ZNF107: variants seen among roughly 807,000 people sequenced by gnomAD.
ZNF107 encodes the protein zinc finger protein 107.
ZNF107 carries 19 observed loss-of-function variants against 12.3 expected under a neutral mutation model. The ratio of observed to expected loss-of-function variants is 1.55; its 90% CI spans 1.08 to 2.27. ZNF107 has a LOEUF of 2.27. ZNF107 is among the 30% of genes most tolerant of loss of function. ZNF107 has a pLI of 0.00. For missense variants in ZNF107, 958 were observed against 979.9 expected (o/e 0.98, Z 0.30); for synonymous variants, 317 against 330.5 (o/e 0.96, Z 0.44).
chr7:64,696,753 C>T (rs1335686832), intron 3 of ZNF107, among the ~76,000 whole-genome samples: 3 of 152,016 alleles, frequency 2.0e-5, no homozygotes, highest in Non-Finnish European at 4.4e-5. Flanking sequence ...TTTTTACTAG[C>T]TTATTTTAGT....
intron 3 of ZNF107, among the ~76,000 whole-genome samples, chr7:64,698,906 T>C (rs1790381249): frequency 6.6e-6 from 1 of 152,206 alleles, no homozygotes; most frequent in Non-Finnish European, 1.5e-5. Context: ...TCAGTGTTGA[T>C]ATCCAGTTCT....
chr7:64,675,351 T>C (rs1345684766), intron 1 of ZNF107, among the ~76,000 whole-genome samples: 1 of 152,172 alleles, frequency 6.6e-6, no homozygotes, highest in Non-Finnish European at 1.5e-5. Flanking sequence ...TGTTCAGGAA[T>C]TTATCCATTT....
At chr7:64,669,093 G>A (rs1789124139) in intron 1 of ZNF107, 2 of 131,518 alleles carry the variant, frequency 1.5e-5, no homozygotes, top group Admixed American at 9.1e-5. Context: ...TCGGCTCACT[G>A]AAACCTCCGC....
At chr7:64,668,620 C>T (rs1789100897) in intron 1 of ZNF107, among the ~76,000 whole-genome samples, 1 of 152,078 alleles carries the variant, frequency 6.6e-6, no homozygotes, top group South Asian at 2.1e-4. Context: ...AAAATATTTA[C>T]AGAGCATAAA....
intron 3 of ZNF107, among the ~76,000 whole-genome samples, chr7:64,695,422 A>G (rs980475910): frequency 6.6e-6 from 1 of 152,182 alleles, no homozygotes; most frequent in Non-Finnish European, 1.5e-5. Context: ...TGGTACATCA[A>G]TATTGCAAAA....
intron 3 of ZNF107, among the ~76,000 whole-genome samples, chr7:64,697,728 T>C (rs1790340006): frequency 6.6e-6 from 1 of 151,454 alleles, no homozygotes. Context: ...TCTCGCTTTG[T>C]CACCCAGGCT....
chr7:64,691,626 G>T (rs1244684185), intron 2 of ZNF107, among the ~76,000 whole-genome samples: 1 of 152,028 alleles, frequency 6.6e-6, no homozygotes, highest in Non-Finnish European at 1.5e-5. Context: ...GAAATTTAGT[G>T]GCATGAAATA....
chr7:64,669,607 A>C (rs1267997327), intron 1 of ZNF107, among the ~76,000 whole-genome samples: 1 of 152,000 alleles, frequency 6.6e-6, no homozygotes, highest in East Asian at 2.0e-4. Context: ...CAGCCTGGCC[A>C]ACATGGTGAA....
chr7:64,703,588 C>T (rs1410554855), intron 3 of ZNF107, among the ~76,000 whole-genome samples: 1 of 152,036 alleles, frequency 6.6e-6, no homozygotes, highest in Non-Finnish European at 1.5e-5. Context: ...CACCACCATG[C>T]CCAGCTAATT....
intron 1 of ZNF107, chr7:64,679,348 C>T: frequency 1.0e-6 from 1 of 985,226 alleles, no homozygotes; most frequent in Middle Eastern, 5.2e-4. Context: ...TAAGAGACCT[C>T]CATCCTTTCT....
rs970220470 is a variant in ZNF107, at chr7:64,667,674, G to T, written c.3+1389G>T. On this transcript the variant is annotated intron_variant, in intron 1 of 3. Coordinates refer to ENST00000620827, the MANE Select transcript of ZNF107 (RefSeq NM_001282359.2). ...CCTGGAATGGAACTCTGGGTATCTG[G>T]GAATGGGAGACAGAGGACAATCTGA... Among the ~76,000 whole-genome samples, 3 of 152,162 alleles carry T rather than the reference G, an allele frequency of 2.0e-5. No homozygotes were observed. The East Asian group carries it at 5.8e-4, about 29-fold the overall frequency.
Position 64,708,690 on chromosome 7 carries a change from T to G in ZNF107, c.*34T>G. The G allele has an allele frequency of 6.4e-7, 1 of 1,552,842 alleles. No homozygotes were observed. The highest frequency in any genetic ancestry group is 8.7e-7 in the Non-Finnish European group (1 of 1,147,158). ...ACAAGCTTACTACACATAGGAAAAT[T>G]CATACTGGAGAGAAACTACAAATGT... On this transcript the variant is annotated 3_prime_UTR_variant, in exon 4 of 4. Coordinates refer to ENST00000620827, the MANE Select transcript of ZNF107 (RefSeq NM_001282359.2).
intron 3 of ZNF107, among the ~76,000 whole-genome samples, chr7:64,696,514 C>G (rs1790294243): frequency 6.6e-6 from 1 of 151,920 alleles, no homozygotes; most frequent in African/African-American, 2.4e-5. Flanking sequence ...GACCTGGTCT[C>G]AAAAAAATAT....
intron 1 of ZNF107, among the ~76,000 whole-genome samples, chr7:64,683,946 A>C (rs1789793705): frequency 6.6e-6 from 1 of 152,146 alleles, no homozygotes; most frequent in South Asian, 2.1e-4. Flanking sequence ...CTTCTAACAG[A>C]TATTGTTACC....
At chr7:64,678,119 C>T (rs1423026012) in intron 1 of ZNF107, among the ~76,000 whole-genome samples, 1 of 152,060 alleles carries the variant, frequency 6.6e-6, no homozygotes, top group Non-Finnish European at 1.5e-5. Context: ...TTGTCTTTAT[C>T]TGAGACCTCA....
chr7:64,688,224 C>T (rs980619134), intron 1 of ZNF107, among the ~76,000 whole-genome samples: 12 of 151,044 alleles, frequency 7.9e-5, no homozygotes, highest in African/African-American at 2.7e-4. Flanking sequence ...CTTAAGTAGA[C>T]ATGAGAATCT....
intron 3 of ZNF107, among the ~76,000 whole-genome samples, chr7:64,704,183 A>G (rs1014692420): frequency 1.3e-5 from 2 of 152,142 alleles, no homozygotes; most frequent in Non-Finnish European, 2.9e-5. Context: ...AAAATGCTTT[A>G]TGCGCCATTA....
chr7:64,670,186 T>TA (rs1034083294), intron 1 of ZNF107, among the ~76,000 whole-genome samples: 108 of 151,942 alleles, frequency 7.1e-4, no homozygotes, highest in African/African-American at 2.5e-3. Context: ...AAGGTTTCTG[T>TA]AAAAAAAATT....
At position 64,708,952 on chromosome 7, in the gene ZNF107, A is replaced by AG. The variant is rs1176967784; in HGVS notation, c.*296_*297insG. 1 of 510,826 alleles carries AG rather than the reference A, an allele frequency of 2.0e-6. No individual in the cohort carries two copies. Among genetic ancestry groups the AG allele is most frequent in the African/African-American group, 1.9e-5 (1 of 51,810 alleles). 31.6% of individuals were successfully genotyped at this position (510,826 alleles called of 1,614,324 possible). A position where few individuals can be genotyped will look rare whatever the true frequency, so the allele number is the denominator to read the frequency against. On this transcript the variant is annotated 3_prime_UTR_variant, in exon 4 of 4. Coordinates refer to ENST00000620827, the MANE Select transcript of ZNF107 (RefSeq NM_001282359.2). Reference sequence around the variant, plus strand: ...AAACATAAGGTAATTCATACTGGAGAAAAGCCATACAAATGAGAAGAATGT... The same window carrying AG: ...AAACATAAGGTAATTCATACTGGAGAGAAAGCCATACAAATGAGAAGAATGT...
Sources: allele counts gnomAD v4.1 joint callset (sites outside exome capture counted in the v4.1 genomes callset), GRCh38; gene constraint gnomAD v4.1.1; transcripts MANE v1.5; gene names NCBI Gene and HGNC (gene_info 2026-07-23, HGNC 2026-07-21).